The following NLRP5 variants were observed in gnomAD, a reference collection of about 807,000 sequenced individuals.
The protein encoded by NLRP5 is NLR family pyrin domain containing 5, also known as NACHT, LRR and PYD domains-containing protein 5.
In NLRP5, 93 loss-of-function variants were observed where a neutral mutation model predicts 113.1. That is an observed-to-expected ratio of 0.82 (90% confidence interval 0.70 to 0.98). The LOEUF is 0.98. Among genes scored for constraint, NLRP5 ranks in the 50% least tolerant of loss-of-function variants. The probability of loss-of-function intolerance (pLI) is 0.00; values close to 1 mark genes in which losing one functional copy is unlikely to be tolerated. For missense variants in NLRP5, 1,808 were observed against 1,514.3 expected (o/e 1.19, Z -3.22); for synonymous variants, 751 against 600.7 (o/e 1.25, Z -3.66).
At chr19:55,999,981 G>A (rs1325077109) in intron 1 of NLRP5, among the ~76,000 whole-genome samples, 1 of 145,160 alleles carries the variant, frequency 6.9e-6, no homozygotes, top group African/African-American at 2.5e-5. Context: ...CAGGGAGGTG[G>A]TCAACCCATG....
chr19:56,029,499 C>G (rs555945587), intron 7 of NLRP5, among the ~76,000 whole-genome samples: 3 of 152,126 alleles, frequency 2.0e-5, no homozygotes, highest in African/African-American at 7.2e-5. Context: ...CTCCTGACCT[C>G]AGGTGAGCCA....
rs972327174 is a variant in NLRP5 at position 56,007,133 on chromosome 19, C to T, written c.443-1655C>T. 1.7e-4 allele frequency among the ~76,000 whole-genome samples: 26 copies of T among 151,506 alleles called. 2 individuals carry two copies. Among genetic ancestry groups the T allele is most frequent in the African/African-American group, 6.1e-4 (25 of 40,842 alleles). ...ATCCCAATACTTTGAGAGTCCTAGGCGGGCGGATCACTTGAGGTCAGGAGT... is the reference window on the plus strand; with the variant it reads ...ATCCCAATACTTTGAGAGTCCTAGGTGGGCGGATCACTTGAGGTCAGGAGT... On this transcript the variant is annotated intron_variant, in intron 2 of 14. Transcript: ENST00000390649.
chr19:56,036,430 G>C (rs538479024), intron 9 of NLRP5, among the ~76,000 whole-genome samples: 2 of 152,086 alleles, frequency 1.3e-5, no homozygotes, highest in South Asian at 2.1e-4. Context: ...ACATGTTCCT[G>C]GGACATGCTG....
At chr19:56,005,617 T>C (rs985607498) in intron 2 of NLRP5, among the ~76,000 whole-genome samples, 11 of 144,002 alleles carry the variant, frequency 7.6e-5, no homozygotes, top group Middle Eastern at 3.5e-3. Context: ...TACACACATA[T>C]ATATTTATAC....
chr19:56,020,505 A>T, intron 6 of NLRP5, 74 bp downstream of exon 6: 2 of 1,477,380 alleles, frequency 1.4e-6, no homozygotes, highest in Non-Finnish European at 1.9e-6. Flanking sequence ...AGTAGTTTAG[A>T]TTTCAAGGGT....
Position 56,027,706 on chromosome 19 carries a change from C to T in NLRP5, c.1473C>T (p.Val491=), listed in dbSNP as rs765298030. 2.5e-5 allele frequency: 41 copies of T among 1,613,430 alleles called. No individual in the cohort carries two copies. The highest frequency in any genetic ancestry group is 2.2e-4 in the South Asian group (20 of 91,080). The change falls in exon 7 of 15, where the codon GTC becomes GTT. Residue 491 remains valine (V), a synonymous_variant. Transcript: ENST00000390649. ...TGCAGGACGTGGTGGGGGAGAGCGT[C>T]GCCCCCTTCAACCAAACGCTCACAG... is the stretch of plus-strand genomic sequence containing the variant.
chr19:56,002,531 T>C (rs1285436586), intron 1 of NLRP5, among the ~76,000 whole-genome samples: 1 of 151,672 alleles, frequency 6.6e-6, no homozygotes, highest in East Asian at 1.9e-4. Context: ...TTGTTACATA[T>C]GTATACACGT....
At chr19:55,994,489 C>T in the NLRP5 span, among the ~76,000 whole-genome samples, 37 of 152,284 alleles carry the variant, frequency 2.4e-4, no homozygotes, top group Admixed American at 2.3e-3. Flanking sequence ...CCTCCAACTC[C>T]CTAGTTCAAG....
intron 7 of NLRP5, among the ~76,000 whole-genome samples, chr19:56,032,386 C>T (rs2123312365): frequency 6.6e-6 from 1 of 151,500 alleles, no homozygotes; most frequent in South Asian, 2.1e-4. Context: ...CTGGCGGTTC[C>T]CAGTCATGCC....
Position 56,026,795 on chromosome 19 carries a change from C to G in NLRP5, c.680-118C>G, listed in dbSNP as rs183108584. ...GCTTTGCCATTGACCAGGCTGGTCT[C>G]AAACTCCTGACCTCAGGTGATATGC... On this transcript the variant is annotated intron_variant, in intron 6 of 14. Coordinates refer to ENST00000390649, the MANE Select transcript of NLRP5 (RefSeq NM_153447.4). 6.0e-5 allele frequency: 64 copies of G among 1,074,564 alleles called. No homozygotes were observed. In the Admixed American group the frequency reaches 1.2e-3, roughly 21 times the overall value. 66.6% of individuals were successfully genotyped at this position (1,074,564 alleles called of 1,614,324 possible).
intron 10 of NLRP5, among the ~76,000 whole-genome samples, chr19:56,039,358 C>A (rs916162517): frequency 1.3e-5 from 2 of 152,154 alleles, no homozygotes; most frequent in African/African-American, 4.8e-5. Context: ...GCTCAGTAGC[C>A]ATGTGGGGCT....
At chr19:56,016,843 C>G (rs945367824) in intron 4 of NLRP5, among the ~76,000 whole-genome samples, 3 of 152,056 alleles carry the variant, frequency 2.0e-5, no homozygotes, top group Non-Finnish European at 4.4e-5. Flanking sequence ...GAGTCTTGCT[C>G]TGTTGCCCAG....
At chr19:56,033,429 A>G in intron 8 of NLRP5, 113 bp from the exon 9 acceptor site, 1 of 810,810 alleles carries the variant, frequency 1.2e-6, no homozygotes, top group Non-Finnish European at 2.0e-6. Flanking sequence ...TTTTAAAAGG[A>G]AATACAATTA....
rs775244250 is a variant in NLRP5 at position 56,061,452 on chromosome 19, T to G, written c.3527T>G (p.Leu1176Arg). 13 of 1,613,994 alleles carry G rather than the reference T, an allele frequency of 8.1e-6. No homozygotes were observed. The highest frequency in any genetic ancestry group is 1.0e-5 in the Non-Finnish European group (12 of 1,179,866). ...AGGAAGCTGCTGGAGGAAGTGCAGCTACTCAAGCCCCGAGTCGTAATTGAC... is the reference window on the plus strand; with the variant it reads ...AGGAAGCTGCTGGAGGAAGTGCAGCGACTCAAGCCCCGAGTCGTAATTGAC... Residue 1176 changes from leucine (L) to arginine (R), a missense_variant, in exon 15 of 15, where the codon CTA (leucine) becomes CGA (arginine). Coordinates refer to ENST00000390649, the MANE Select transcript of NLRP5 (RefSeq NM_153447.4).
At chr19:56,045,288 A>G (rs1284655716) in intron 11 of NLRP5, among the ~76,000 whole-genome samples, 1 of 152,200 alleles carries the variant, frequency 6.6e-6, no homozygotes. Context: ...TTATGCATGC[A>G]TCTAAGTGAA....
At chr19:56,011,955 C>G (rs4561578) in intron 3 of NLRP5, among the ~76,000 whole-genome samples, 51,179 of 151,678 alleles carry the variant, frequency 0.34, 8,802 homozygotes, top group Non-Finnish European at 0.36. Flanking sequence ...GCCTCCCAAA[C>G]TGCTAGGATT....
chr19:56,030,705 T>TTTCTTC (rs199904861), intron 7 of NLRP5, among the ~76,000 whole-genome samples: 3 of 97,304 alleles, frequency 3.1e-5, no homozygotes, highest in African/African-American at 1.1e-4. Flanking sequence ...ATTCATTCGC[T>TTTCTTC]TTCTTCTTCT....
Position 56,004,080 on chromosome 19 carries a change from C to T in NLRP5, c.427C>T (p.Arg143Trp), listed in dbSNP as rs201123213. ...CCTGCGAACCCTCTCGGAGAAGGCA[C>T]GGGATGACATGAAAAGTAAGCGAGA... Residue 143 changes from arginine to tryptophan, a missense_variant, in exon 2 of 15, where the codon CGG (arginine) becomes TGG (tryptophan). Physicochemically the swap from Arg to Trp is moderately radical, Grantham distance 101 (BLOSUM62 -3). Transcript: ENST00000390649. 1.4e-4 allele frequency: 219 copies of T among 1,606,624 alleles called. No individual in the cohort carries two copies. The highest frequency in any genetic ancestry group is 1.7e-4 in the Non-Finnish European group (201 of 1,175,840).
chr19:55,997,381 T>G (rs1427218279), upstream of NLRP5, among the ~76,000 whole-genome samples: 2 of 152,178 alleles, frequency 1.3e-5, no homozygotes, highest in Non-Finnish European at 2.9e-5. Flanking sequence ...GATTTTTGTA[T>G]CTATGTTCAT....
Sources: allele counts gnomAD v4.1 joint callset (sites outside exome capture counted in the v4.1 genomes callset), GRCh38; gene constraint gnomAD v4.1.1; transcripts MANE v1.5; gene names NCBI Gene and HGNC (gene_info 2026-07-23, HGNC 2026-07-21).